The following ADCY9 variants were observed in gnomAD, a reference collection of about 807,000 sequenced individuals.
ADCY9 encodes the protein adenylate cyclase 9, also known as adenylate cyclase type 9.
A neutral mutation model predicts 101.5 loss-of-function variants in ADCY9; 50 were observed. The observed-to-expected ratio is 0.49, with a 90% confidence interval of 0.39 to 0.62. ADCY9 has a LOEUF of 0.62. Ranked by LOEUF, ADCY9 falls within the 20% of genes least tolerant of loss-of-function variation. The pLI is 0.00. For missense variants in ADCY9, 1,662 were observed against 1,800.4 expected (o/e 0.92, Z 1.39); for synonymous variants, 905 against 769.3 (o/e 1.18, Z -2.92).
In ADCY9 at chr16:4,114,344, T is replaced by C. The variant is rs1416549660; in HGVS notation, c.1099A>G (p.Lys367Glu). ...ATGGAAGACTTTTTCTTCCTGTTCT[T>C]GGGGCTCGAGGTGGCATGCCTCTTG... ...SVKRHATSSPKNRKKKSSIQK... is the reference protein window; with the variant it reads ...SVKRHATSSPENRKKKSSIQK... Residue 367 changes from lysine (K) to glutamate (E), a missense_variant, in exon 2 of 11, where the codon AAG (lysine) becomes GAG (glutamate). Physicochemically the swap from Lys to Glu is moderately conservative, Grantham distance 56 (BLOSUM62 1). Coordinates refer to ENST00000294016, the MANE Select transcript of ADCY9 (RefSeq NM_001116.4). This position sits in a 1 kb window ranked among gnomAD's most constrained non-coding sequence, Gnocchi z 4.3. The C allele has an allele frequency of 6.2e-7, 1 of 1,613,912 alleles. No homozygotes were observed. The highest frequency in any genetic ancestry group is 2.2e-5 in the East Asian group (1 of 44,898).
At chr16:3,958,976 C>T (rs540851346), downstream of ADCY9, among the ~76,000 whole-genome samples, 26 of 152,020 alleles carry the variant, frequency 1.7e-4, no homozygotes, top group African/African-American at 5.8e-4. Flanking sequence ...TGCCCTGCCT[C>T]GGTTGCTTTT....
chr16:3,974,820 A>G, intron 9 of ADCY9, 110 bp from the exon 10 acceptor site: 1 of 855,746 alleles, frequency 1.2e-6, no homozygotes, highest in Admixed American at 2.0e-5. Flanking sequence ...ACGTGGTTGT[A>G]CATCCACATA....
rs768815007 is a variant in ADCY9, at chr16:3,966,898, T to C, written c.2939A>G (p.Gln980Arg). 8.1e-6 allele frequency: 13 copies of C among 1,613,968 alleles called. No individual in the cohort carries two copies. The highest frequency in any genetic ancestry group is 1.1e-5 in the South Asian group (1 of 91,094). Residue 980 changes from glutamine (Q) to arginine (R), a missense_variant, in exon 11 of 11, where the codon CAG becomes CGG. Around this residue, in one of 5 missense-constraint regions of ADCY9, gnomAD observed 624 missense variants for 639.1 expected, o/e 0.98. Coordinates refer to ENST00000294016, the MANE Select transcript of ADCY9 (RefSeq NM_001116.4). ...DLRRPASLIG[Q>R]EVVLVFFLLL... ...GAGAAAGAAGACGAGAACCACCTCC[T>C]GGCCGATGAGGCTGGCGGGCCGCCG... is the stretch of plus-strand genomic sequence containing the variant.
rs869169536 is a variant in ADCY9 at position 4,108,360 on chromosome 16, A to ATTTTT, written c.1693+5385_1693+5389dup. Among the ~76,000 whole-genome samples, 113 of 53,750 alleles carry ATTTTT rather than the reference A, an allele frequency of 2.1e-3. 12 individuals are homozygous for ATTTTT. In the South Asian group the frequency reaches 0.022, roughly 10 times the overall value. The allele number at this position is 53,750 out of a possible 152,430, so 35.3% of individuals were successfully genotyped here. On this transcript the variant is annotated intron_variant, in intron 2 of 10. Transcript: ENST00000294016. ...CTCACCTTAATCAGACCGTTTCTTC[A>ATTTTT]TTTTTTTTTTTTTTTTTTTTTTTTT...
At chr16:4,044,431 C>G (rs771861507) in intron 2 of ADCY9, among the ~76,000 whole-genome samples, 3 of 151,984 alleles carry the variant, frequency 2.0e-5, no homozygotes, top group Non-Finnish European at 2.9e-5. Flanking sequence ...TGTGATAGGA[C>G]GGAGCCATTT....
intron 2 of ADCY9, among the ~76,000 whole-genome samples, chr16:4,016,089 G>A (rs1356613107): frequency 1.3e-5 from 2 of 152,188 alleles, no homozygotes; most frequent in Admixed American, 6.5e-5. Flanking sequence ...AAAAGGGAAA[G>A]ACGGTGCTTG....
At chr16:4,047,629 G>C (rs1378930046) in intron 2 of ADCY9, among the ~76,000 whole-genome samples, 1 of 152,176 alleles carries the variant, frequency 6.6e-6, no homozygotes, top group Non-Finnish European at 1.5e-5. Context: ...AGCCTTCAAA[G>C]TTCTGTCTGC....
In ADCY9 at chr16:3,966,458, C is replaced by T. The variant is rs1230026025; in HGVS notation, c.3379G>A (p.Asp1127Asn). The T allele has an allele frequency of 1.9e-6, 3 of 1,614,036 alleles. No individual in the cohort carries two copies. In the Admixed American group the frequency reaches 5.0e-5, roughly 27 times the overall value. Residue 1127 changes from aspartate (D) to asparagine (N), a missense_variant, in exon 11 of 11, where the codon GAC (aspartate) becomes AAC (asparagine). Asp to Asn is a conservative substitution (Grantham distance 23). Around this residue, in one of 5 missense-constraint regions of ADCY9, gnomAD observed 220 missense variants for 312.9 expected, o/e 0.70. Coordinates refer to ENST00000294016, the MANE Select transcript of ADCY9 (RefSeq NM_001116.4). ...AGGTGCTCCTGCGGGTGGCTGCCGT[C>T]CTGGGCCTGCGCGGTGTTCAGCCCT... Reference protein sequence around the residue: ...ASGLNTAQAQDGSHPQEHLQI... With the variant: ...ASGLNTAQAQNGSHPQEHLQI...
chr16:4,058,114 A>G (rs6500568), intron 2 of ADCY9, among the ~76,000 whole-genome samples: 115,162 of 148,538 alleles, frequency 0.78, 45,010 homozygotes, highest in African/African-American at 0.83. Flanking sequence ...AGCCGAGATC[A>G]TGCCACTGCA....
intron 2 of ADCY9, among the ~76,000 whole-genome samples, chr16:4,099,231 C>A (rs543796927): frequency 2.0e-5 from 3 of 152,252 alleles, no homozygotes; most frequent in Admixed American, 6.5e-5. Context: ...CCACGCCCGG[C>A]CTTTTTATTG....
At chr16:3,995,109 A>G (rs1186263278) in intron 3 of ADCY9, among the ~76,000 whole-genome samples, 1 of 152,206 alleles carries the variant, frequency 6.6e-6, no homozygotes, top group Non-Finnish European at 1.5e-5. Context: ...TCCCTCATCT[A>G]TAAACAAAGA....
intron 2 of ADCY9, among the ~76,000 whole-genome samples, chr16:4,038,815 C>T (rs974136593): frequency 1.3e-5 from 2 of 152,028 alleles, no homozygotes; most frequent in Non-Finnish European, 2.9e-5. Context: ...GCTGTGGAAT[C>T]CACTACTTTC....
chr16:3,955,520 C>T (rs8046007), intron 5 of ADCY9, among the ~76,000 whole-genome samples: 67,490 of 152,014 alleles, frequency 0.44, 15,787 homozygotes, highest in Non-Finnish European at 0.53. Context: ...TAGAAGTCTA[C>T]GGATGTCCTT....
intron 2 of ADCY9, among the ~76,000 whole-genome samples, chr16:4,082,566 G>GCA (rs1301869505): frequency 1.3e-5 from 2 of 151,704 alleles, no homozygotes; most frequent in Admixed American, 6.6e-5. Context: ...ATGCACACAC[G>GCA]CACACACACA....
intron 2 of ADCY9, among the ~76,000 whole-genome samples, chr16:4,050,080 G>A (rs1008192785): frequency 1.3e-5 from 2 of 152,070 alleles, no homozygotes; most frequent in Non-Finnish European, 1.5e-5. Context: ...GGGCCGAAGT[G>A]GGGGTGGGGA....
chr16:4,008,133 C>G (rs574913504), intron 2 of ADCY9, among the ~76,000 whole-genome samples: 1 of 152,202 alleles, frequency 6.6e-6, no homozygotes, highest in African/African-American at 2.4e-5. Context: ...AAACACTCAC[C>G]CCAGGAACAT....
chr16:4,063,844 T>C lies in ADCY9; in HGVS notation c.1693+49906A>G, dbSNP rs114865488. Among the ~76,000 whole-genome samples the C allele has an allele frequency of 3.4e-3, 510 of 152,012 alleles. 2 individuals are homozygous for C. The highest frequency in any genetic ancestry group is 0.012 in the African/African-American group (491 of 41,492). On this transcript the variant is annotated intron_variant, in intron 2 of 10. Transcript: ENST00000294016. ...GAAATCAATGAATTAGGGAAAGTAA[T>C]AGAGAAAACTGATGAAACCAAAAGT...
At chr16:4,086,245 G>A (rs1018174575) in intron 2 of ADCY9, among the ~76,000 whole-genome samples, 5 of 152,046 alleles carry the variant, frequency 3.3e-5, no homozygotes, top group African/African-American at 1.2e-4. Context: ...CAACACAGGA[G>A]GAGAAGAGAC....
At chr16:4,111,589 A>T (rs1322961117) in intron 2 of ADCY9, among the ~76,000 whole-genome samples, 1 of 152,076 alleles carries the variant, frequency 6.6e-6, no homozygotes, top group Non-Finnish European at 1.5e-5. Flanking sequence ...TTGTGTAGAC[A>T]TACTCTATTC....
Sources: gnomAD v4.1 joint callset for allele counts (sites outside exome capture counted in the v4.1 genomes callset) on GRCh38, gnomAD v4.1.1 for gene constraint, gnomAD v4.1.1 regional missense constraint, Gnocchi (gnomAD v3.1) non-coding constraint, MANE v1.5 for transcripts, NCBI Gene and HGNC (gene_info 2026-07-23, HGNC 2026-07-21) for gene names.